The following SLC2A9 variants were observed in gnomAD, a reference collection of about 807,000 sequenced individuals.
SLC2A9 encodes solute carrier family 2, facilitated glucose transporter member 9.
SLC2A9 carries 39 observed loss-of-function variants against 50.6 expected under a neutral mutation model. That is an observed-to-expected ratio of 0.77 (90% CI 0.60 to 1.01). The LOEUF is 1.01. Among genes scored for constraint, SLC2A9 ranks in the 50% least tolerant of loss-of-function variants. SLC2A9 has a pLI of 0.00. For synonymous variants in SLC2A9, 324 were observed against 276.9 expected (o/e 1.17, Z -1.69); for missense variants, 686 against 677.6 (o/e 1.01, Z -0.14).
chr4:9,859,293 C>T (rs537282047), intron 10 of SLC2A9, among the ~76,000 whole-genome samples: 2 of 152,232 alleles, frequency 1.3e-5, no homozygotes, highest in South Asian at 2.1e-4. Context: ...GGGCTGTCCA[C>T]GGGGTCCTCT....
chr4:10,008,360 G>A (rs955467688), intron 2 of SLC2A9, among the ~76,000 whole-genome samples: 1 of 152,182 alleles, frequency 6.6e-6, no homozygotes, highest in African/African-American at 2.4e-5. Flanking sequence ...AAGGTCCCTG[G>A]GCCCTCATCA....
rs139311846 is a variant in SLC2A9 at position 9,971,549 on chromosome 4, C to A, written c.681+9043G>T. 7.9e-5 allele frequency among the ~76,000 whole-genome samples: 12 copies of A among 152,320 alleles called. No homozygotes were observed. The East Asian group carries it at 2.3e-3, about 29-fold the overall frequency. ...TCAAATGTAGCTAAAAGAGTTTAGACACTAACTCCAATTACACCTTCCAAT... is the reference window on the plus strand; with the variant it reads ...TCAAATGTAGCTAAAAGAGTTTAGAAACTAACTCCAATTACACCTTCCAAT... On this transcript the variant is annotated intron_variant, in intron 5 of 11. Coordinates refer to ENST00000264784, the MANE Select transcript of SLC2A9 (RefSeq NM_020041.3).
At chr4:9,959,269 G>C (rs1283444845) in intron 5 of SLC2A9, among the ~76,000 whole-genome samples, 1 of 151,444 alleles carries the variant, frequency 6.6e-6, no homozygotes, top group African/African-American at 2.4e-5. Context: ...GCGGGGGCAT[G>C]TAATCCCAGC....
Position 9,834,785 on chromosome 4 carries a change from A to G in SLC2A9, c.1419+96T>C, listed in dbSNP as rs1726745938. The G allele has an allele frequency of 2.6e-6, 4 of 1,568,400 alleles. No individual in the cohort carries two copies. The African/African-American group carries it at 5.4e-5, about 21-fold the overall frequency. ...GGAAAATAGCATGAGTTTCCAGTTG[A>G]GAGGAGAGAGATCAACTTCTGCTCT... On this transcript the variant is annotated intron_variant, in intron 11 of 11. Coordinates refer to ENST00000264784, the MANE Select transcript of SLC2A9 (RefSeq NM_020041.3).
At chr4:9,961,742 C>A (rs986701710) in intron 5 of SLC2A9, among the ~76,000 whole-genome samples, 1 of 151,932 alleles carries the variant, frequency 6.6e-6, no homozygotes, top group African/African-American at 2.4e-5. Flanking sequence ...GAAACAAAAC[C>A]AAACAAAAAA....
At chr4:9,963,467 C>G (rs908819401) in intron 5 of SLC2A9, among the ~76,000 whole-genome samples, 1 of 152,186 alleles carries the variant, frequency 6.6e-6, no homozygotes, top group South Asian at 2.1e-4. Context: ...GTCAGCTCTA[C>G]GTTGATACAA....
intron 10 of SLC2A9, among the ~76,000 whole-genome samples, chr4:9,877,442 C>A (rs1240683993): frequency 3.9e-5 from 6 of 152,188 alleles, no homozygotes; most frequent in African/African-American, 1.2e-4. Context: ...CTGGACTCCA[C>A]CTTGCCTCTT....
At chr4:9,799,692 ACCCCCCC>A (rs57223650) in intron 3 of SLC2A9, among the ~76,000 whole-genome samples, 1 of 69,804 alleles carries the variant, frequency 1.4e-5, no homozygotes, top group African/African-American at 5.7e-5. Context: ...TTCCAATTGT[ACCCCCCC>A]CCCACCCAAC....
chr4:10,011,846 C>T (rs976297676), intron 2 of SLC2A9, among the ~76,000 whole-genome samples: 22 of 152,180 alleles, frequency 1.4e-4, no homozygotes, highest in African/African-American at 5.1e-4. Flanking sequence ...AGATGCTATG[C>T]AGCATAGGCT....
At chr4:9,936,344 G>A (rs1393475363) in intron 6 of SLC2A9, among the ~76,000 whole-genome samples, 4 of 152,102 alleles carry the variant, frequency 2.6e-5, no homozygotes, top group African/African-American at 4.8e-5. Context: ...TTGAGATAAC[G>A]GGCAGCTTTC....
intron 6 of SLC2A9, among the ~76,000 whole-genome samples, chr4:9,923,556 C>A (rs1486085989): frequency 1.3e-5 from 2 of 152,068 alleles, no homozygotes; most frequent in Non-Finnish European, 2.9e-5. Flanking sequence ...GGGCAGGGTT[C>A]GGCACAGCAC....
Position 9,905,025 on chromosome 4 carries a change from C to T in SLC2A9, c.1113+3210G>A, listed in dbSNP as rs1740374357. Among the ~76,000 whole-genome samples the T allele has an allele frequency of 2.6e-5, 4 of 152,184 alleles. No individual in the cohort carries two copies. In the South Asian group the frequency reaches 8.3e-4, roughly 32 times the overall value. On this transcript the variant is annotated intron_variant, in intron 8 of 11. Transcript: ENST00000264784. ...TGTCTCCAGGAATCCCTCCCAGAAC[C>T]CCTTATTTGAGAGGGAAGCTCGTCT...
intron 8 of SLC2A9, among the ~76,000 whole-genome samples, chr4:9,895,890 T>A (rs1738460206): frequency 6.6e-6 from 1 of 152,260 alleles, no homozygotes; most frequent in Non-Finnish European, 1.5e-5. Context: ...ATTCGATTTA[T>A]CATTTCATAT....
rs530548301 is a variant in SLC2A9, at chr4:9,818,809, G to C, written n.420+7611C>G. 1.2e-4 allele frequency among the ~76,000 whole-genome samples: 19 copies of C among 152,284 alleles called. 1 individual carries two copies. The South Asian group carries it at 2.7e-3, about 22-fold the overall frequency. On this transcript the variant is annotated intron_variant and non_coding_transcript_variant, in intron 3 of 3. Coordinates refer to the SLC2A9 transcript ENST00000503280. ...GTCTAGCCCTTGTGAGTGTGTGTGG[G>C]ATGGGGGCAGGTGAAAAGTATACAG...
chr4:9,881,487 C>T (rs1735200894), intron 10 of SLC2A9, among the ~76,000 whole-genome samples: 1 of 152,214 alleles, frequency 6.6e-6, no homozygotes, highest in African/African-American at 2.4e-5. Context: ...TCCCAAGTTC[C>T]AAATTTCAGA....
At chr4:10,028,413 A>G (rs1302939295) in intron 1 of SLC2A9, among the ~76,000 whole-genome samples, 2 of 152,198 alleles carry the variant, frequency 1.3e-5, no homozygotes, top group African/African-American at 4.8e-5. Context: ...GAAGGAAGAC[A>G]AGGCCTTGAC....
At chr4:9,926,079 T>C (rs956717680) in intron 6 of SLC2A9, among the ~76,000 whole-genome samples, 7 of 152,048 alleles carry the variant, frequency 4.6e-5, no homozygotes, top group Non-Finnish European at 8.8e-5. Context: ...GGTGCCATCC[T>C]GGCCTGGAGA....
chr4:9,891,968 A>G (rs1737536738), intron 8 of SLC2A9, among the ~76,000 whole-genome samples: 1 of 152,206 alleles, frequency 6.6e-6, no homozygotes, highest in Admixed American at 6.5e-5. Context: ...ACTGAGACGA[A>G]CAGTTGCAAT....
chr4:9,781,937 G>A (rs1428360207), intron 3 of SLC2A9: 2 of 1,131,770 alleles, frequency 1.8e-6, no homozygotes, highest in East Asian at 5.6e-5. Context: ...TTGGCTGAGG[G>A]GGCGCATCCT....
Sources: gnomAD v4.1 joint callset for allele counts (sites outside exome capture counted in the v4.1 genomes callset) on GRCh38, gnomAD v4.1.1 for gene constraint, MANE v1.5 for transcripts, NCBI Gene and HGNC (gene_info 2026-07-23, HGNC 2026-07-21) for gene names.